The following RNF216 variants were observed in gnomAD, a reference collection of about 807,000 sequenced individuals.
RNF216 encodes the protein ring finger protein 216, also known as E3 ubiquitin-protein ligase RNF216.
RNF216 carries 72 observed loss-of-function variants against 110.8 expected under a neutral mutation model. The ratio of observed to expected loss-of-function variants is 0.65; its 90% confidence interval spans 0.54 to 0.79. The LOEUF (loss-of-function observed/expected upper bound fraction) is 0.79, where lower values mean the gene tolerates loss of function less well. RNF216 is among the 30% of genes least tolerant of loss of function. The pLI is 0.00. For synonymous variants in RNF216, 495 were observed against 407.5 expected, an observed-to-expected ratio of 1.21 and a Z score of -2.59; for missense variants, 1,342 against 1,141.2, an observed-to-expected ratio of 1.18 and a Z score of -2.54.
intron 2 of RNF216, among the ~76,000 whole-genome samples, chr7:5,757,865 T>C (rs1014740989): frequency 7.2e-5 from 11 of 152,168 alleles, no homozygotes; most frequent in African/African-American, 2.4e-4. Context: ...TAAAAAATTA[T>C]TAATGTTGGC....
intron 1 of RNF216, among the ~76,000 whole-genome samples, chr7:5,773,783 A>C (rs1222184426): frequency 6.6e-6 from 1 of 152,030 alleles, no homozygotes; most frequent in African/African-American, 2.4e-5. Context: ...GGCCAGGCTG[A>C]TCTTGAACTC....
At chr7:5,690,425 G>A (rs1481000821) in intron 13 of RNF216, among the ~76,000 whole-genome samples, 2 of 151,984 alleles carry the variant, frequency 1.3e-5, no homozygotes, top group Non-Finnish European at 2.9e-5. Context: ...TTTGGTGACT[G>A]ACTGCTTTGT....
intron 8 of RNF216, among the ~76,000 whole-genome samples, 181 bp downstream of exon 8, chr7:5,725,143 C>A (rs192211475): frequency 6.6e-6 from 1 of 152,294 alleles, no homozygotes; most frequent in East Asian, 1.9e-4. Context: ...AGGAAGCCAA[C>A]AAGTGCAGCC....
rs575760068 is a variant in RNF216, at chr7:5,669,343, C to A, written c.2062-16833G>T. 1.2e-4 allele frequency among the ~76,000 whole-genome samples: 18 copies of A among 152,112 alleles called. No individual in the cohort carries two copies. The South Asian group carries it at 3.7e-3, about 32-fold the overall frequency. On this transcript the variant is annotated intron_variant, in intron 13 of 16. Transcript: ENST00000389902. ...AGAAATGATGAGATCTTTAGAAGAC[C>A]AATCTTTGCCACTGGCAATCACAGG...
chr7:5,664,138 T>C (rs1170613487), intron 13 of RNF216, among the ~76,000 whole-genome samples: 2 of 152,154 alleles, frequency 1.3e-5, no homozygotes, highest in African/African-American at 4.8e-5. Flanking sequence ...GCACATCTTC[T>C]CCATGCAGAG....
At chr7:5,659,254 C>A (rs1335510186) in intron 13 of RNF216, among the ~76,000 whole-genome samples, 1 of 152,112 alleles carries the variant, frequency 6.6e-6, no homozygotes, top group Non-Finnish European at 1.5e-5. Flanking sequence ...GGAGATACAG[C>A]AATAAACAAG....
At chr7:5,737,331 G>C (rs1794479970) in intron 5 of RNF216, among the ~76,000 whole-genome samples, 1 of 152,086 alleles carries the variant, frequency 6.6e-6, no homozygotes, top group African/African-American at 2.4e-5. Context: ...CAGCATGCTT[G>C]TTAAGAGTCA....
intron 5 of RNF216, among the ~76,000 whole-genome samples, chr7:5,734,713 A>G (rs1402077724): frequency 2.0e-5 from 3 of 151,528 alleles, no homozygotes; most frequent in Non-Finnish European, 2.9e-5. Context: ...AATCCCAGCT[A>G]TTCGGGAGAC....
chr7:5,645,636 G>A (rs909353579), intron 14 of RNF216, among the ~76,000 whole-genome samples: 16 of 150,572 alleles, frequency 1.1e-4, no homozygotes, highest in South Asian at 1.1e-3. Flanking sequence ...CTGTCCCCAC[G>A]CTGGTGTGCA....
At chr7:5,778,209 C>A (rs538713606) in intron 1 of RNF216, among the ~76,000 whole-genome samples, 7 of 152,216 alleles carry the variant, frequency 4.6e-5, no homozygotes, top group Non-Finnish European at 1.5e-5. Context: ...CTTTTCCCCC[C>A]GCATTCACCA....
chr7:5,692,653 T>A (rs1791406674), intron 13 of RNF216, among the ~76,000 whole-genome samples: 2 of 152,174 alleles, frequency 1.3e-5, no homozygotes, highest in African/African-American at 2.4e-5. Flanking sequence ...ATCCCTCGCC[T>A]CCAGCCCGAG....
chr7:5,712,682 T>C lies in RNF216; in HGVS notation c.1982+33A>G, dbSNP rs746457488. The stretch of plus-strand genomic sequence containing the variant: ...AGGTAGTTTTCACAATGGGGAAGAG[T>C]TGGCAGATGGCACGCTCTGCCTGAG... On this transcript the variant is annotated intron_variant, in intron 12 of 16. Transcript: ENST00000389902. The C allele has an allele frequency of 3.2e-5, 52 of 1,611,676 alleles. No individual in the cohort carries two copies. In the Middle Eastern group the frequency reaches 5.0e-4, roughly 15 times the overall value.
intron 14 of RNF216, 118 bp from the exon 15 acceptor site, chr7:5,641,494 T>C (rs1436855768): frequency 1.2e-6 from 1 of 826,772 alleles, no homozygotes; most frequent in Non-Finnish European, 1.9e-6. Context: ...TTTGTGACAT[T>C]AAACAGTGAA....
intron 1 of RNF216, among the ~76,000 whole-genome samples, chr7:5,761,542 C>T (rs915150462): frequency 1.3e-5 from 2 of 152,164 alleles, no homozygotes; most frequent in African/African-American, 4.8e-5. Flanking sequence ...AATCCCAGCA[C>T]TTTGGGAGGC....
intron 14 of RNF216, among the ~76,000 whole-genome samples, chr7:5,650,559 T>C (rs1042836068): frequency 6.6e-6 from 1 of 152,076 alleles, no homozygotes; most frequent in African/African-American, 2.4e-5. Context: ...GTTGAGGTTG[T>C]AGGACCGGGG....
chr7:5,641,214 G>A lies in RNF216; in HGVS notation c.2322C>T (p.Pro774=), dbSNP rs774095781. 1 of 1,614,060 alleles carries A rather than the reference G, an allele frequency of 6.2e-7. No individual in the cohort carries two copies. The highest frequency in any genetic ancestry group is 1.7e-5 in the Admixed American group (1 of 59,998). ...CCTGGCAAGGGGCTCCTGGTGAGCG[G>A]GGATGTTGGCAGAAATGGTCATATC... The part of the protein sequence containing the change: ...INGYDHFCQH[P]RSPGAPCQEC... Residue 774 remains proline, a synonymous_variant, in exon 15 of 17, where the codon CCC becomes CCT. Transcript: ENST00000389902.
Position 5,622,893 on chromosome 7 carries a change from C to A in RNF216, c.2739G>T (p.Met913Ile). Residue 913 changes from methionine to isoleucine, a missense_variant, in exon 17 of 17, where the codon ATG becomes ATT. Physicochemically the swap from Met to Ile is conservative, Grantham distance 10. Transcript: ENST00000389902. ...GATGCCGCGGCTGGGGGCCAAAGTG[C>A]ATGGGCAGGTTGTGCTCCAGGGGCA... The part of the protein sequence containing the change: ...IHMPLEHNLP[M>I]HFGPQPRHRF 1.9e-6 allele frequency: 3 copies of A among 1,610,390 alleles called. No individual in the cohort carries two copies. The highest frequency in any genetic ancestry group is 1.7e-6 in the Non-Finnish European group (2 of 1,177,608).
intron 13 of RNF216, among the ~76,000 whole-genome samples, chr7:5,702,761 T>C (rs528986423): frequency 6.6e-6 from 1 of 152,208 alleles, no homozygotes; most frequent in Non-Finnish European, 1.5e-5. Flanking sequence ...AAGTGAAAAC[T>C]GACAGAAGTA....
rs369433049 is a variant in RNF216 at position 5,701,436 on chromosome 7, G to A, written c.2061+10325C>T. Among the ~76,000 whole-genome samples, 13 of 152,154 alleles carry A rather than the reference G, an allele frequency of 8.5e-5. 1 individual carries two copies. The East Asian group carries it at 1.9e-3, about 23-fold the overall frequency. On this transcript the variant is annotated intron_variant, in intron 13 of 16. Coordinates refer to ENST00000389902, the MANE Select transcript of RNF216 (RefSeq NM_207111.4). ...GGATCTCCGTTCATCTCCTGAGGCC[G>A]CACATCTGCACACACCATCCTCACT...
Sources: allele counts gnomAD v4.1 joint callset (sites outside exome capture counted in the v4.1 genomes callset), GRCh38; gene constraint gnomAD v4.1.1; transcripts MANE v1.5; gene names NCBI Gene and HGNC (gene_info 2026-07-23, HGNC 2026-07-21).